Variants in HNRNPAB observed in about 807,000 individuals in gnomAD.
The protein encoded by HNRNPAB is ABBP-1.
HNRNPAB carries 17 observed loss-of-function variants against 44.1 expected under a neutral mutation model. The observed-to-expected ratio is 0.39, with a 90% CI of 0.26 to 0.58. The LOEUF is 0.58. Ranked by LOEUF, HNRNPAB falls within the 20% of genes least tolerant of loss-of-function variation. The probability of loss-of-function intolerance (pLI) is 0.63; values close to 1 mark genes in which losing one functional copy is unlikely to be tolerated. For missense variants in HNRNPAB, 393 were observed against 432.7 expected (o/e 0.91, Z 0.81); for synonymous variants, 183 against 167.6 (o/e 1.09, Z -0.71).
Position 178,210,987 on chromosome 5 carries a change from A to C in HNRNPAB, c.*364A>C, listed in dbSNP as rs1758154469. 4.1e-6 allele frequency: 1 copy of C among 245,378 alleles called. No individual in the cohort carries two copies. Among genetic ancestry groups the C allele is most frequent in the South Asian group, 7.7e-5 (1 of 12,942 alleles). 15.2% of individuals were successfully genotyped at this position (245,378 alleles called of 1,614,324 possible). A position where few individuals can be genotyped will look rare whatever the true frequency, so the allele number is the denominator to read the frequency against. ...CAGTGTCACCTTTTTTTCACCTTTT[A>C]ATTTTATATTATTTGCGTCATACAT... On this transcript the variant is annotated 3_prime_UTR_variant, in exon 8 of 8. Coordinates refer to ENST00000358344, the MANE Select transcript of HNRNPAB (RefSeq NM_031266.3).
chr5:178,206,716 C>T lies in HNRNPAB; in HGVS notation c.379-16C>T, dbSNP rs776350837. The T allele has an allele frequency of 9.3e-6, 15 of 1,612,638 alleles. No homozygotes were observed. The South Asian group carries it at 1.3e-4, about 14-fold the overall frequency. ...TCGTGCTGCTGAGTCAGCCTGACCC[C>T]TTTCTGTTGGAACAGGTCCTAGACC... On this transcript the variant is annotated splice_polypyrimidine_tract_variant and intron_variant, in intron 3 of 7. Transcript: ENST00000358344.
At chr5:178,206,235 A>C (rs998967166) in intron 3 of HNRNPAB, among the ~76,000 whole-genome samples, 1 of 152,220 alleles carries the variant, frequency 6.6e-6, no homozygotes, top group Non-Finnish European at 1.5e-5. Context: ...GACAGTTGAC[A>C]TTCATTACCT....
intron 6 of HNRNPAB, 93 bp downstream of exon 6, chr5:178,209,540 A>T: frequency 2.3e-4 from 238 of 1,023,540 alleles, no homozygotes; most frequent in East Asian, 5.6e-4. Flanking sequence ...GCTGTGCAGC[A>T]GGGGTGGGCA....
Position 178,204,892 on chromosome 5 carries a change from G to C in HNRNPAB, c.55G>C (p.Gly19Arg). The change falls in exon 2 of 8, where the codon GGA becomes CGA. Residue 19 changes from glycine to arginine, a missense_variant. Around this residue, in one of 3 missense-constraint regions of HNRNPAB, gnomAD observed 81 missense variants for 73.4 expected, o/e 1.10. Coordinates refer to ENST00000358344, the MANE Select transcript of HNRNPAB (RefSeq NM_031266.3). ...PMETTGATEN[G>R]HEAVPEGESP... is the part of the protein sequence containing the mutation. Reference sequence around the variant, plus strand: ...GGAGACGACGGGCGCCACCGAGAACGGACATGAGGCCGTCCCCGAAGGCGA... The same window carrying C: ...GGAGACGACGGGCGCCACCGAGAACCGACATGAGGCCGTCCCCGAAGGCGA... 1 of 1,212,050 alleles carries C rather than the reference G, an allele frequency of 8.3e-7. No individual in the cohort carries two copies. The highest frequency in any genetic ancestry group is 1.0e-6 in the Non-Finnish European group (1 of 975,178). The allele number at this position is 1,212,050 out of a possible 1,614,324, so 75.1% of individuals were successfully genotyped here.
chr5:178,205,562 A>G, intron 2 of HNRNPAB: 2 of 335,248 alleles, frequency 6.0e-6, no homozygotes, highest in South Asian at 5.2e-5. Flanking sequence ...TGTAGAACAC[A>G]TGAATTTCCA....
chr5:178,206,296 A>G (rs1322727620), intron 3 of HNRNPAB, among the ~76,000 whole-genome samples: 1 of 152,228 alleles, frequency 6.6e-6, no homozygotes, highest in Non-Finnish European at 1.5e-5. Context: ...GGATTACAAG[A>G]GAGTCCATGA....
chr5:178,210,429 A>G (rs35381671), intron 7 of HNRNPAB, 124 bp from the exon 8 acceptor site: 576 of 1,521,358 alleles, frequency 3.8e-4, no homozygotes, highest in Non-Finnish European at 5.0e-4. Context: ...CGGGGTCTTA[A>G]TAACATGAGG....
Position 178,210,538 on chromosome 5 carries a change from T to C in HNRNPAB, c.929-15T>C, listed in dbSNP as rs373842543. On this transcript the variant is annotated splice_polypyrimidine_tract_variant and intron_variant, in intron 7 of 7. Coordinates refer to ENST00000358344, the MANE Select transcript of HNRNPAB (RefSeq NM_031266.3). ...GCTTGTAAATAGTAGCTGCTATGGT[T>C]GTTCTCGTCCCTAGGTCAGGGTAGT... 5 of 1,613,038 alleles carry C rather than the reference T, an allele frequency of 3.1e-6. No homozygotes were observed. In the Admixed American group the frequency reaches 8.3e-5, roughly 27 times the overall value.
At chr5:178,208,826 A>G (rs1757282269) in intron 5 of HNRNPAB, 1 of 153,198 alleles carries the variant, frequency 6.5e-6, no homozygotes, top group Non-Finnish European at 1.5e-5. Flanking sequence ...AGGCCCCCCC[A>G]CCCTGAGCCT....
chr5:178,204,550 G>T lies in HNRNPAB; in HGVS notation c.-214G>T. The T allele has an allele frequency of 4.6e-6, 1 of 216,414 alleles. No individual in the cohort carries two copies. Among genetic ancestry groups the T allele is most frequent in the Non-Finnish European group, 9.0e-6 (1 of 110,500 alleles). The allele number at this position is 216,414 out of a possible 1,614,324, so 13.4% of individuals were successfully genotyped here. A position where few individuals can be genotyped will look rare whatever the true frequency, so the allele number is the denominator to read the frequency against. ...GCATTGTCAGGCGGCGGCACCGCGC[G>T]GGACGGAGCTTGGCTGTTGGTCGGT... is the stretch of plus-strand genomic sequence containing the variant. On this transcript the variant is annotated 5_prime_UTR_variant, in exon 1 of 8. Coordinates refer to ENST00000358344, the MANE Select transcript of HNRNPAB (RefSeq NM_031266.3).
intron 5 of HNRNPAB, chr5:178,208,695 C>A (rs1202128254): frequency 6.6e-6 from 1 of 152,318 alleles, no homozygotes; most frequent in African/African-American, 2.4e-5. Flanking sequence ...TCCCACCCTA[C>A]CCCATTCCAC....
chr5:178,207,241 C>G lies in HNRNPAB; in HGVS notation c.669+16C>G. The G allele has an allele frequency of 6.2e-7, 1 of 1,613,336 alleles. No homozygotes were observed. Among genetic ancestry groups the G allele is most frequent in the Non-Finnish European group, 8.5e-7 (1 of 1,179,700 alleles). Reference sequence around the variant, plus strand: ...TGGAAGCAAGGTAAGGTGTTCCCAGCTCTGCTTGGCCTCCTGTGCTGCTGG... The same window carrying G: ...TGGAAGCAAGGTAAGGTGTTCCCAGGTCTGCTTGGCCTCCTGTGCTGCTGG... On this transcript the variant is annotated intron_variant, in intron 5 of 7. Transcript: ENST00000358344.
rs139072802 is a variant in HNRNPAB, at chr5:178,206,702, A to T, written c.379-30A>T. On this transcript the variant is annotated intron_variant, in intron 3 of 7. Coordinates refer to ENST00000358344, the MANE Select transcript of HNRNPAB (RefSeq NM_031266.3). ...GGGCCTTGTCTGGCTCGTGCTGCTG[A>T]GTCAGCCTGACCCCTTTCTGTTGGA... The T allele has an allele frequency of 3.5e-3, 5,637 of 1,609,788 alleles. 18 individuals are homozygous for T. Among genetic ancestry groups the T allele is most frequent in the Non-Finnish European group, 4.5e-3 (5,331 of 1,177,728 alleles).
chr5:178,206,328 C>T (rs971675257), intron 3 of HNRNPAB, among the ~76,000 whole-genome samples: 6 of 152,118 alleles, frequency 3.9e-5, no homozygotes, highest in Non-Finnish European at 8.8e-5. Context: ...GGCTTTTAGC[C>T]CCATTTTACA....
intron 2 of HNRNPAB, chr5:178,205,543 C>T: frequency 4.2e-6 from 1 of 240,548 alleles, no homozygotes; most frequent in Non-Finnish European, 8.1e-6. Context: ...TGGCCCTTTG[C>T]TACATGGTTG....
At chr5:178,207,960 A>C (rs1457312878) in intron 5 of HNRNPAB, among the ~76,000 whole-genome samples, 1 of 152,058 alleles carries the variant, frequency 6.6e-6, no homozygotes, top group Non-Finnish European at 1.5e-5. Flanking sequence ...TACAGGCATG[A>C]ACTGCCTCAC....
intron 5 of HNRNPAB, 49 bp downstream of exon 5, chr5:178,207,274 G>A: frequency 1.9e-6 from 3 of 1,606,640 alleles, no homozygotes; most frequent in Non-Finnish European, 2.6e-6. Flanking sequence ...TGGAGAGCTG[G>A]CCCTTAGAGG....
rs983028925 is a variant in HNRNPAB at position 178,204,663 on chromosome 5, G to C, written c.-101G>C. 4.2e-5 allele frequency: 13 copies of C among 312,710 alleles called. No individual in the cohort carries two copies. The highest frequency in any genetic ancestry group is 5.7e-5 in the Non-Finnish European group (10 of 174,010). The allele number at this position is 312,710 out of a possible 1,614,324, so 19.4% of individuals were successfully genotyped here. A position where few individuals can be genotyped will look rare whatever the true frequency, so the allele number is the denominator to read the frequency against. ...CTGGGGCGAGGCCTCAGCAGCGCGA[G>C]CTTGAGTGCGGCCGAGCCTGCGGCG... is the stretch of plus-strand genomic sequence containing the variant. On this transcript the variant is annotated 5_prime_UTR_variant, in exon 1 of 8. Transcript: ENST00000358344.
Position 178,211,091 on chromosome 5 carries a change from C to T in HNRNPAB, c.*468C>T, listed in dbSNP as rs193159828. 125 of 162,432 alleles carry T rather than the reference C, an allele frequency of 7.7e-4. No homozygotes were observed. Among genetic ancestry groups the T allele is most frequent in the Admixed American group, 4.7e-3 (77 of 16,310 alleles). The allele number at this position is 162,432 out of a possible 1,614,324, so 10.1% of individuals were successfully genotyped here. A position where few individuals can be genotyped will look rare whatever the true frequency, so the allele number is the denominator to read the frequency against. ...CTAATGTATTGTAAGGTATTTTACA[C>T]GTGTCCTGATTTTGCCACAACCTGG... On this transcript the variant is annotated 3_prime_UTR_variant, in exon 8 of 8. Coordinates refer to ENST00000358344, the MANE Select transcript of HNRNPAB (RefSeq NM_031266.3).
Sources: gnomAD v4.1 joint callset for allele counts (sites outside exome capture counted in the v4.1 genomes callset) on GRCh38, gnomAD v4.1.1 for gene constraint, gnomAD v4.1.1 regional missense constraint, MANE v1.5 for transcripts, NCBI Gene and HGNC (gene_info 2026-07-23, HGNC 2026-07-21) for gene names.